NCAPH: variants seen among roughly 807,000 people sequenced by gnomAD.
The protein encoded by NCAPH is condensin complex subunit 2.
NCAPH carries 38 observed loss-of-function variants against 85.5 expected under a neutral mutation model. The observed-to-expected ratio is 0.44, with a 90% CI of 0.34 to 0.58. NCAPH has a LOEUF of 0.58. Ranked by LOEUF, NCAPH falls within the 20% of genes least tolerant of loss-of-function variation. The probability of loss-of-function intolerance (pLI) is 0.01; values close to 1 mark genes in which losing one functional copy is unlikely to be tolerated. For synonymous variants in NCAPH, 301 were observed against 335.1 expected (o/e 0.90, Z 1.11); for missense variants, 789 against 916.6 (o/e 0.86, Z 1.80).
rs768189130 is a variant in NCAPH, at chr2:96,341,847, G to T, written c.225G>T (p.Leu75=). The change falls in exon 2 of 18, where the codon CTG becomes CTT. Residue 75 remains leucine, a synonymous_variant. Coordinates refer to ENST00000240423, the MANE Select transcript of NCAPH (RefSeq NM_015341.5). ...LQRRRSRVFD[L]QFSTDSPRLL... ...GGAGGCGCTCGAGGGTCTTTGATCTGCAGTTCAGCACTGACTCACCTCGCT... is the reference window on the plus strand; with the variant it reads ...GGAGGCGCTCGAGGGTCTTTGATCTTCAGTTCAGCACTGACTCACCTCGCT... 1.7e-5 allele frequency: 27 copies of T among 1,612,992 alleles called. No homozygotes were observed. The highest frequency in any genetic ancestry group is 2.3e-5 in the Non-Finnish European group (27 of 1,180,022).
chr2:96,362,343 G>T (rs1259676888), intron 12 of NCAPH, among the ~76,000 whole-genome samples: 4 of 152,154 alleles, frequency 2.6e-5, no homozygotes, highest in Non-Finnish European at 5.9e-5. Flanking sequence ...CAAGACTTCA[G>T]TGGAGGCCAG....
intron 1 of NCAPH, 87 bp downstream of exon 1, chr2:96,335,935 C>G: frequency 8.7e-7 from 1 of 1,154,756 alleles, no homozygotes; most frequent in Non-Finnish European, 1.1e-6. Flanking sequence ...CTGGCCTGGG[C>G]GGGGAGAGAG....
intron 9 of NCAPH, among the ~76,000 whole-genome samples, chr2:96,356,162 C>G (rs577613639): frequency 2.6e-5 from 4 of 152,188 alleles, no homozygotes; most frequent in African/African-American, 9.7e-5. Flanking sequence ...CCAAACAGCA[C>G]AAAATCTTAG....
intron 2 of NCAPH, 72 bp downstream of exon 2, chr2:96,341,966 C>T: frequency 6.2e-7 from 1 of 1,604,564 alleles, no homozygotes; most frequent in Non-Finnish European, 8.5e-7. Context: ...CAGGCATCTC[C>T]ACAAAACTTC....
intron 1 of NCAPH, among the ~76,000 whole-genome samples, chr2:96,340,413 G>A (rs939949454): frequency 6.0e-5 from 8 of 133,106 alleles, no homozygotes; most frequent in Non-Finnish European, 9.4e-5. Context: ...TTTTTGAGAC[G>A]GAGTTTCACT....
Position 96,376,163 on chromosome 2 carries a change from C to T in NCAPH, c.*2812C>T, listed in dbSNP as rs924707174. On this transcript the variant is annotated 3_prime_UTR_variant, in exon 18 of 18. Coordinates refer to ENST00000240423, the MANE Select transcript of NCAPH (RefSeq NM_015341.5). ...GTATCTGCCTCAGATGCTGAGAAGC[C>T]TCCTGAGATAAGAGCGTATACCATG... 6.6e-6 allele frequency among the ~76,000 whole-genome samples: 1 copy of T among 152,180 alleles called. No individual in the cohort carries two copies. Among genetic ancestry groups the T allele is most frequent in the Non-Finnish European group, 1.5e-5 (1 of 68,042 alleles).
At chr2:96,335,924 G>T (rs947000827) in intron 1 of NCAPH, 76 bp downstream of exon 1, 7 of 1,371,520 alleles carry the variant, frequency 5.1e-6, no homozygotes, top group Non-Finnish European at 6.6e-6. Flanking sequence ...GGGCTGGCGG[G>T]CTGGCCTGGG....
At chr2:96,369,349 TA>T in intron 16 of NCAPH, 75 bp from the exon 17 acceptor site, 1 of 1,210,260 alleles carries the variant, frequency 8.3e-7, no homozygotes, top group Non-Finnish European at 1.2e-6. Flanking sequence ...TGCATGTGTG[TA>T]TTATTCATAC....
chr2:96,351,103 T>C (rs2064434828), intron 6 of NCAPH, among the ~76,000 whole-genome samples: 2 of 152,210 alleles, frequency 1.3e-5, no homozygotes, highest in Admixed American at 1.3e-4. Flanking sequence ...ATATCTTGGG[T>C]ATGTTCTTCC....
chr2:96,335,891 C>T, intron 1 of NCAPH, 43 bp downstream of exon 1: 3 of 1,430,806 alleles, frequency 2.1e-6, no homozygotes, highest in African/African-American at 1.5e-5. Flanking sequence ...GGGCCCCTAG[C>T]GAAGCAGTAC....
chr2:96,349,753 T>A (rs1229200179), intron 6 of NCAPH, among the ~76,000 whole-genome samples: 1 of 152,238 alleles, frequency 6.6e-6, no homozygotes, highest in East Asian at 1.9e-4. Flanking sequence ...AGCCGATCTC[T>A]TTTGGACACA....
At chr2:96,343,933 C>A (rs187490982) in intron 5 of NCAPH, among the ~76,000 whole-genome samples, 172 bp from the exon 6 acceptor site, 6 of 152,238 alleles carry the variant, frequency 3.9e-5, no homozygotes, top group Admixed American at 2.6e-4. Context: ...AACTCCTGAG[C>A]TCAAGTGATC....
chr2:96,349,558 T>C (rs1281230101), intron 6 of NCAPH, among the ~76,000 whole-genome samples: 1 of 152,042 alleles, frequency 6.6e-6, no homozygotes, highest in Non-Finnish European at 1.5e-5. Flanking sequence ...ATTTTTTTAT[T>C]TTTAGTAGAG....
chr2:96,361,679 A>C (rs1192481316), intron 12 of NCAPH, among the ~76,000 whole-genome samples: 1 of 147,782 alleles, frequency 6.8e-6, no homozygotes, highest in African/African-American at 2.5e-5. Context: ...TGGTTCTCCT[A>C]CTCTCATGGA....
chr2:96,357,998 C>T (rs555974760), intron 9 of NCAPH, among the ~76,000 whole-genome samples: 9 of 152,154 alleles, frequency 5.9e-5, no homozygotes, highest in South Asian at 2.1e-4. Context: ...TGGCTGGGCA[C>T]GGTATAATCC....
At chr2:96,354,874 A>G (rs954012639) in intron 9 of NCAPH, among the ~76,000 whole-genome samples, 10 of 152,364 alleles carry the variant, frequency 6.6e-5, no homozygotes, top group African/African-American at 1.7e-4. Flanking sequence ...AATTACGTCA[A>G]TGTGGCTGTT....
At chr2:96,345,784 G>C (rs1193128137) in intron 6 of NCAPH, among the ~76,000 whole-genome samples, 1 of 152,206 alleles carries the variant, frequency 6.6e-6, no homozygotes, top group African/African-American at 2.4e-5. Flanking sequence ...TATGCAAAAT[G>C]CTACCCATTG....
At chr2:96,368,845 A>G in intron 15 of NCAPH, 127 bp from the exon 16 acceptor site, 1 of 798,178 alleles carries the variant, frequency 1.3e-6, no homozygotes. Flanking sequence ...TTTTTCTTCA[A>G]AATAACTAAG....
intron 7 of NCAPH, 63 bp from the exon 8 acceptor site, chr2:96,353,243 G>T: frequency 7.5e-7 from 1 of 1,332,526 alleles, no homozygotes; most frequent in South Asian, 1.2e-5. Flanking sequence ...TCATTCTGAA[G>T]GGAGTAAGGA....
Sources: gnomAD v4.1 joint callset for allele counts (sites outside exome capture counted in the v4.1 genomes callset) on GRCh38, gnomAD v4.1.1 for gene constraint, MANE v1.5 for transcripts, NCBI Gene and HGNC (gene_info 2026-07-23, HGNC 2026-07-21) for gene names.